Variants in PDE9A observed in about 807,000 individuals in gnomAD.
PDE9A encodes the protein phosphodiesterase 9A.
A neutral mutation model predicts 87.4 loss-of-function variants in PDE9A; 60 were observed. The observed-to-expected ratio is 0.69, with a 90% CI of 0.56 to 0.85. The LOEUF is 0.85. Among genes scored for constraint, PDE9A ranks in the 40% least tolerant of loss-of-function variants. PDE9A has a pLI of 0.00. For synonymous variants in PDE9A, 272 were observed against 279.4 expected (o/e 0.97, Z 0.27); for missense variants, 665 against 779.0 (o/e 0.85, Z 1.74).
At chr21:42,657,118 A>AGGCTTTGTG (rs1424237029) in intron 1 of PDE9A, among the ~76,000 whole-genome samples, 1 of 152,184 alleles carries the variant, frequency 6.6e-6, no homozygotes, top group Non-Finnish European at 1.5e-5. Context: ...TCGGCTTTGC[A>AGGCTTTGTG]GGCTTTGTGG....
At position 42,769,004 on chromosome 21, in the gene PDE9A, A is replaced by G. The variant is rs760468790; in HGVS notation, c.1462-23A>G. ...ATGGGGCATTTCTGTCTCTAATGTC[A>G]CTGTCTGCTGCATTCCCTGCAGAGC... On this transcript the variant is annotated intron_variant, in intron 16 of 19. Coordinates refer to ENST00000291539, the MANE Select transcript of PDE9A (RefSeq NM_002606.3). 1.1e-5 allele frequency: 17 copies of G among 1,594,096 alleles called. No homozygotes were observed. The South Asian group carries it at 1.7e-4, about 16-fold the overall frequency.
In PDE9A at chr21:42,653,758, G is replaced by T. The variant is rs1253041615; in HGVS notation, c.-57G>T. On this transcript the variant is annotated 5_prime_UTR_variant, in exon 1 of 20. Transcript: ENST00000291539. The stretch of plus-strand genomic sequence containing the variant: ...CCTGCTCCCCTCCCCCGCCTCCCGC[G>T]GCGGCTGGCGTCGGGAAAGTACAGT... 1 of 709,882 alleles carries T rather than the reference G, an allele frequency of 1.4e-6. No homozygotes were observed. The highest frequency in any genetic ancestry group is 2.0e-6 in the Non-Finnish European group (1 of 489,514). 44.0% of individuals were successfully genotyped at this position (709,882 alleles called of 1,614,324 possible).
intron 17 of PDE9A, 129 bp from the exon 18 acceptor site, chr21:42,770,574 A>G: frequency 3.0e-6 from 2 of 668,706 alleles, no homozygotes; most frequent in Admixed American, 2.2e-5. Context: ...CAGAGCCGGC[A>G]CGAGGGTGTC....
rs769469418 is a variant in PDE9A, at chr21:42,751,119, C to T, written c.657C>T (p.Thr219=). 18 of 1,603,250 alleles carry T rather than the reference C, an allele frequency of 1.1e-5. No homozygotes were observed. Among genetic ancestry groups the T allele is most frequent in the South Asian group, 8.8e-5 (8 of 90,826 alleles). ...CATCTCTGCTCCTTCTCTCTAGGACCAACTGCCCCTGTAAGTACAGTTTTT... is the reference window on the plus strand; with the variant it reads ...CATCTCTGCTCCTTCTCTCTAGGACTAACTGCCCCTGTAAGTACAGTTTTT... The part of the protein sequence containing the change: ...REELAARSSR[T]NCPCKYSFLD... Residue 219 remains threonine, a synonymous_variant, in exon 9 of 20, where the codon ACC becomes ACT. Coordinates refer to ENST00000291539, the MANE Select transcript of PDE9A (RefSeq NM_002606.3).
At chr21:42,690,812 C>G (rs552092643) in intron 3 of PDE9A, among the ~76,000 whole-genome samples, 1 of 152,132 alleles carries the variant, frequency 6.6e-6, no homozygotes, top group African/African-American at 2.4e-5. Flanking sequence ...ACCCCTGTAC[C>G]CACGCCCGCA....
At chr21:42,762,305 T>G (rs2055877619) in intron 14 of PDE9A, 66 bp downstream of exon 14, 1 of 1,524,534 alleles carries the variant, frequency 6.6e-7, no homozygotes, top group Admixed American at 1.8e-5. Flanking sequence ...GCCCCCACTC[T>G]CCATTGGCTG....
chr21:42,752,459 G>A (rs185213885), intron 9 of PDE9A, among the ~76,000 whole-genome samples: 1 of 152,110 alleles, frequency 6.6e-6, no homozygotes, highest in Non-Finnish European at 1.5e-5. Context: ...AGTAGAGACG[G>A]TGTTTCACCG....
chr21:42,656,150 G>C (rs228093), intron 1 of PDE9A, among the ~76,000 whole-genome samples: 1 of 152,054 alleles, frequency 6.6e-6, no homozygotes, highest in African/African-American at 2.4e-5. Context: ...CCTGCCATCC[G>C]CCCCATCTCC....
Position 42,686,222 on chromosome 21 carries a change from G to A in PDE9A, c.100G>A (p.Asp34Asn), listed in dbSNP as rs142265152. The A allele has an allele frequency of 2.5e-6, 4 of 1,613,922 alleles. No homozygotes were observed. The highest frequency in any genetic ancestry group is 1.1e-5 in the South Asian group (1 of 91,060). ...CTTCAGCAAGTACTGCAACTCCAGC[G>A]ACATCATGGACCTGTTCTGCATCGC... ...VIFSKYCNSS[D>N]IMDLFCIATG... The change falls in exon 2 of 20, where the codon GAC becomes AAC. Residue 34 changes from aspartate to asparagine, a missense_variant. Transcript: ENST00000291539.
At chr21:42,691,146 A>AC (rs1212625940) in intron 3 of PDE9A, among the ~76,000 whole-genome samples, 5 of 149,772 alleles carry the variant, frequency 3.3e-5, no homozygotes, top group African/African-American at 1.3e-4. Context: ...ATCCAGAGTC[A>AC]CCAGCCCCTT....
At chr21:42,756,814 G>C (rs1043565151) in intron 10 of PDE9A, 1 of 152,570 alleles carries the variant, frequency 6.6e-6, no homozygotes, top group African/African-American at 2.4e-5. Flanking sequence ...CCTCGTGCCC[G>C]CCCGGGGCTG....
At chr21:42,670,309 A>G (rs546802084) in intron 1 of PDE9A, among the ~76,000 whole-genome samples, 28 of 127,146 alleles carry the variant, frequency 2.2e-4, no homozygotes, top group Middle Eastern at 3.8e-3. Context: ...ACATACACTT[A>G]GACACCACAC....
intron 3 of PDE9A, among the ~76,000 whole-genome samples, chr21:42,688,372 T>C (rs2059594047): frequency 6.6e-6 from 1 of 152,088 alleles, no homozygotes; most frequent in Non-Finnish European, 1.5e-5. Flanking sequence ...ACATTTCGTG[T>C]TTACCCACTT....
At chr21:42,662,801 C>A (rs111067097) in intron 1 of PDE9A, among the ~76,000 whole-genome samples, 1 of 144,932 alleles carries the variant, frequency 6.9e-6, no homozygotes, top group African/African-American at 2.6e-5. Context: ...CAAGCACACA[C>A]ACACCACACA....
intron 1 of PDE9A, among the ~76,000 whole-genome samples, chr21:42,673,844 C>T (rs574235225): frequency 6.6e-5 from 10 of 152,196 alleles, no homozygotes; most frequent in African/African-American, 1.9e-4. Flanking sequence ...CGCTGCCCTG[C>T]GACTCGCTGG....
intron 4 of PDE9A, among the ~76,000 whole-genome samples, chr21:42,727,645 T>G (rs779080102): frequency 6.6e-6 from 1 of 152,052 alleles, no homozygotes; most frequent in Non-Finnish European, 1.5e-5. Context: ...GTATTTTATT[T>G]ATAATTTCAG....
At chr21:42,730,114 C>A (rs563767838) in intron 4 of PDE9A, among the ~76,000 whole-genome samples, 1 of 152,114 alleles carries the variant, frequency 6.6e-6, no homozygotes, top group Non-Finnish European at 1.5e-5. Context: ...TGATCTAAAC[C>A]CCTGCTGAGT....
chr21:42,689,658 A>C (rs2059681624), intron 3 of PDE9A: 25 of 985,262 alleles, frequency 2.5e-5, no homozygotes, highest in Non-Finnish European at 2.8e-5. Context: ...GCCCACCTTG[A>C]CCCTTCTAAT....
chr21:42,758,659 T>G, intron 10 of PDE9A: 3 of 262,570 alleles, frequency 1.1e-5, no homozygotes, highest in South Asian at 1.2e-4. Context: ...TTTGGTGCAG[T>G]GTTTTGTGAA....
Sources: allele counts gnomAD v4.1 joint callset (sites outside exome capture counted in the v4.1 genomes callset), GRCh38; gene constraint gnomAD v4.1.1; transcripts MANE v1.5; gene names NCBI Gene and HGNC (gene_info 2026-07-23, HGNC 2026-07-21).